Variants in KSR2 observed in about 807,000 individuals in gnomAD.
KSR2 encodes the protein kinase suppressor of ras 2.
KSR2 carries 25 observed loss-of-function variants against 107.8 expected under a neutral mutation model. That is an observed-to-expected ratio of 0.23 (90% CI 0.17 to 0.32). The LOEUF (loss-of-function observed/expected upper bound fraction) is 0.32, where lower values mean the gene tolerates loss of function less well. KSR2 is among the 10% of genes least tolerant of loss of function. The pLI, the probability that KSR2 is intolerant of heterozygous loss-of-function variation, is 1.00. For missense variants in KSR2, 887 were observed against 1,268.9 expected (o/e 0.70, Z 4.57); for synonymous variants, 480 against 507.0 (o/e 0.95, Z 0.71).
intron 3 of KSR2, among the ~76,000 whole-genome samples, chr12:117,765,500 G>A (rs544150098): frequency 4.6e-5 from 7 of 152,278 alleles, no homozygotes; most frequent in African/African-American, 1.7e-4. Context: ...TTGTTGGAGG[G>A]TGCAGTGAGA....
rs73215920 is a variant in KSR2, at chr12:117,748,269, G to A, written c.986+12742C>T. Among the ~76,000 whole-genome samples, 3 of 152,144 alleles carry A rather than the reference G, an allele frequency of 2.0e-5. No homozygotes were observed. In the East Asian group the frequency reaches 5.8e-4, roughly 29 times the overall value. On this transcript the variant is annotated intron_variant, in intron 4 of 19. Transcript: ENST00000339824. ...ACTCGTAAAAGTAGAGAATAGAATGGTGGTTACCAGGAGCTGGCAGGAAGG... is the reference window on the plus strand; with the variant it reads ...ACTCGTAAAAGTAGAGAATAGAATGATGGTTACCAGGAGCTGGCAGGAAGG...
intron 4 of KSR2, among the ~76,000 whole-genome samples, chr12:117,710,260 G>T (rs776438197): frequency 6.6e-5 from 10 of 152,128 alleles, no homozygotes; most frequent in Non-Finnish European, 1.5e-4. Flanking sequence ...GGGAAAATTG[G>T]CAGGTGACAT....
At position 117,529,166 on chromosome 12, in the gene KSR2, A is replaced by G. The variant is rs748812573; in HGVS notation, c.1802+1775T>C. Among the ~76,000 whole-genome samples the G allele has an allele frequency of 3.7e-4, 57 of 152,316 alleles. 1 individual carries two copies. Among genetic ancestry groups the G allele is most frequent in the Admixed American group, 6.5e-4 (10 of 15,296 alleles). ...GTTAGGAAACTGGTCAAATCCTAGC[A>G]AGCCCCAGGCTTCCATCGCAACCAA... On this transcript the variant is annotated intron_variant, in intron 12 of 19. Transcript: ENST00000339824.
At chr12:117,542,628 A>G (rs1197571117) in intron 9 of KSR2, among the ~76,000 whole-genome samples, 3 of 152,042 alleles carry the variant, frequency 2.0e-5, no homozygotes, top group Non-Finnish European at 4.4e-5. Flanking sequence ...TCTATTCTCC[A>G]TATCTGTCCA....
At chr12:117,812,842 CAAA>C (rs3073170) in intron 3 of KSR2, among the ~76,000 whole-genome samples, 2 of 95,580 alleles carry the variant, frequency 2.1e-5, no homozygotes, top group Admixed American at 1.0e-4. Flanking sequence ...CCCAAATAGC[CAAA>C]AAAAAAAAAA....
intron 5 of KSR2, among the ~76,000 whole-genome samples, chr12:117,591,275 CT>C (rs1201947976): frequency 6.6e-6 from 1 of 152,178 alleles, no homozygotes; most frequent in Non-Finnish European, 1.5e-5. Flanking sequence ...CTGCTTCTGT[CT>C]GGATTAAAGA....
intron 3 of KSR2, among the ~76,000 whole-genome samples, chr12:117,840,554 C>T (rs1428386391): frequency 6.6e-6 from 1 of 152,066 alleles, no homozygotes; most frequent in Non-Finnish European, 1.5e-5. Flanking sequence ...CACCACCATG[C>T]CCAGCCAAAT....
chr12:117,586,629 A>AAAAGAAAGAAAGAAAG (rs71450224), intron 5 of KSR2, among the ~76,000 whole-genome samples: 22,096 of 138,088 alleles, frequency 0.16, 1,911 homozygotes, highest in Admixed American at 0.2. Flanking sequence ...AAAAGAAAGA[A>AAAAGAAAGAAAGAAAG]AAAGAAAGAA....
chr12:117,846,011 A>G (rs909514157), intron 3 of KSR2, among the ~76,000 whole-genome samples: 14 of 151,734 alleles, frequency 9.2e-5, no homozygotes, highest in African/African-American at 2.7e-4. Flanking sequence ...CTCTCCAAAG[A>G]AAAAGAAATT....
At chr12:117,675,262 C>G (rs1885069936) in intron 4 of KSR2, among the ~76,000 whole-genome samples, 1 of 152,182 alleles carries the variant, frequency 6.6e-6, no homozygotes, top group South Asian at 2.1e-4. Flanking sequence ...GACAGGGACC[C>G]AGAAGCTGGG....
Position 117,917,590 on chromosome 12 carries a change from A to G in KSR2, c.180+50486T>C, listed in dbSNP as rs543991113. On this transcript the variant is annotated intron_variant, in intron 1 of 19. Transcript: ENST00000339824. ...AGTATTTTCTCTTTATAAAAGGAAC[A>G]CGTCTCAAGTTGAAGAAACACCAGG... 2.3e-4 allele frequency among the ~76,000 whole-genome samples: 35 copies of G among 152,310 alleles called. 1 individual carries two copies. The South Asian group carries it at 5.6e-3, about 24-fold the overall frequency.
In KSR2 at chr12:117,950,749, A is replaced by AAAAAAAAAT. The variant is rs1555260902; in HGVS notation, c.180+17326_180+17327insATTTTTTTT. 4.0e-4 allele frequency among the ~76,000 whole-genome samples: 53 copies of AAAAAAAAAT among 132,146 alleles called. No individual in the cohort carries two copies. In the East Asian group the frequency reaches 0.01, roughly 26 times the overall value. The allele number at this position is 132,146 out of a possible 152,430, so 86.7% of individuals were successfully genotyped here. ...GAGCAAGACTCTGTAAAAAAAAAAAAAATAATAATAATAATAATAATGATA... is the reference window on the plus strand; with the variant it reads ...GAGCAAGACTCTGTAAAAAAAAAAAAAAAAAAAATAATAATAATAATAATAATAATGATA... On this transcript the variant is annotated intron_variant, in intron 1 of 19. Transcript: ENST00000339824.
At chr12:117,959,252 T>G (rs943997798) in intron 1 of KSR2, among the ~76,000 whole-genome samples, 6 of 152,212 alleles carry the variant, frequency 3.9e-5, no homozygotes, top group African/African-American at 1.4e-4. Flanking sequence ...ACTTGACAAA[T>G]GTAGCATGTC....
intron 14 of KSR2, among the ~76,000 whole-genome samples, chr12:117,494,173 C>T (rs1872897424): frequency 6.6e-6 from 1 of 152,110 alleles, no homozygotes; most frequent in Non-Finnish European, 1.5e-5. Flanking sequence ...GAGTGAGATC[C>T]CCATCATGGA....
intron 7 of KSR2, among the ~76,000 whole-genome samples, chr12:117,558,781 G>T (rs1476847482): frequency 7.7e-6 from 1 of 130,542 alleles, no homozygotes; most frequent in Non-Finnish European, 1.6e-5. Context: ...TAAATTGGTA[G>T]ATGGATTGAT....
chr12:117,966,611 T>TCA (rs1377075943), intron 1 of KSR2, among the ~76,000 whole-genome samples: 1 of 77,164 alleles, frequency 1.3e-5, no homozygotes, highest in African/African-American at 4.9e-5. Flanking sequence ...TCTCTCTCTC[T>TCA]CACACGCGCA....
chr12:117,782,598 C>A (rs1566012105), intron 3 of KSR2, among the ~76,000 whole-genome samples: 1 of 152,148 alleles, frequency 6.6e-6, no homozygotes, highest in Admixed American at 6.5e-5. Context: ...CTACTATGTG[C>A]CACGAACTAT....
intron 4 of KSR2, among the ~76,000 whole-genome samples, chr12:117,709,536 C>G (rs1550851): frequency 0.15 from 22,184 of 152,148 alleles, 1,848 homozygotes; most frequent in East Asian, 0.26. Flanking sequence ...CTTGCTCGGC[C>G]TGCTCAGAAG....
chr12:117,792,378 T>C (rs1890282760), intron 3 of KSR2, among the ~76,000 whole-genome samples: 1 of 151,744 alleles, frequency 6.6e-6, no homozygotes, highest in South Asian at 2.1e-4. Context: ...GAAGAAGAAT[T>C]GCAGTTCTGG....
Sources: allele counts gnomAD v4.1 joint callset (sites outside exome capture counted in the v4.1 genomes callset), GRCh38; gene constraint gnomAD v4.1.1; transcripts MANE v1.5; gene names NCBI Gene and HGNC (gene_info 2026-07-23, HGNC 2026-07-21).